The following UVRAG variants were observed in gnomAD, a reference collection of about 807,000 sequenced individuals.
The protein encoded by UVRAG is UV radiation resistance-associated gene protein.
UVRAG carries 19 observed loss-of-function variants against 78.0 expected under a neutral mutation model. The ratio of observed to expected loss-of-function variants is 0.24; its 90% CI spans 0.17 to 0.36. UVRAG has a LOEUF of 0.36. UVRAG is among the 10% of genes least tolerant of loss of function. UVRAG has a pLI of 1.00. For synonymous variants in UVRAG, 323 were observed against 324.6 expected (o/e 1.00, Z 0.05); for missense variants, 740 against 853.8 (o/e 0.87, Z 1.66).
At chr11:76,105,906 TATATA>T (rs1178542196) in intron 13 of UVRAG, among the ~76,000 whole-genome samples, 30 of 152,172 alleles carry the variant, frequency 2.0e-4, no homozygotes, top group African/African-American at 7.2e-4. Context: ...ATGAAAAACT[TATATA>T]ATCACTTTGG....
intron 14 of UVRAG, among the ~76,000 whole-genome samples, chr11:76,117,056 T>C (rs1028934287): frequency 1.3e-4 from 20 of 152,140 alleles, no homozygotes; most frequent in African/African-American, 4.6e-4. Context: ...AGGAATTAAG[T>C]TTTAAAGTAA....
At chr11:75,922,670 G>A (rs1053559992) in intron 6 of UVRAG, among the ~76,000 whole-genome samples, 14 of 152,092 alleles carry the variant, frequency 9.2e-5, no homozygotes, top group African/African-American at 2.2e-4. Flanking sequence ...ACTATTGGCC[G>A]GGCGTGGTGG....
intron 13 of UVRAG, among the ~76,000 whole-genome samples, chr11:76,068,917 A>G (rs913126217): frequency 1.3e-5 from 2 of 152,232 alleles, no homozygotes; most frequent in Admixed American, 1.3e-4. Flanking sequence ...TGAACAAATC[A>G]TACTATTAAA....
intron 8 of UVRAG, among the ~76,000 whole-genome samples, chr11:75,985,506 C>T (rs866268338): frequency 7.2e-5 from 11 of 151,942 alleles, no homozygotes; most frequent in Non-Finnish European, 8.8e-5. Context: ...GTGGCTTGCT[C>T]GTTCACTCTT....
At chr11:75,962,810 G>A (rs992029352) in intron 7 of UVRAG, among the ~76,000 whole-genome samples, 1 of 152,040 alleles carries the variant, frequency 6.6e-6, no homozygotes, top group Non-Finnish European at 1.5e-5. Flanking sequence ...CCTCTCCCAA[G>A]GAAAGACTGG....
At chr11:75,933,671 C>G (rs1450612998) in intron 6 of UVRAG, among the ~76,000 whole-genome samples, 1 of 152,032 alleles carries the variant, frequency 6.6e-6, no homozygotes, top group Non-Finnish European at 1.5e-5. Context: ...TCTAATAATC[C>G]GATTTAAAAA....
chr11:75,894,614 C>G (rs988303267), intron 5 of UVRAG, among the ~76,000 whole-genome samples: 4 of 151,938 alleles, frequency 2.6e-5, no homozygotes, highest in Non-Finnish European at 1.5e-5. Context: ...AATCCCAGCA[C>G]TTTGGTCTCA....
chr11:76,121,299 C>T (rs1054688735), intron 14 of UVRAG, among the ~76,000 whole-genome samples: 3 of 152,186 alleles, frequency 2.0e-5, no homozygotes, highest in African/African-American at 4.8e-5. Context: ...AAAAGGAGTG[C>T]CCATTTTTTC....
chr11:75,855,034 A>G (rs1946256949), intron 2 of UVRAG, among the ~76,000 whole-genome samples: 3 of 152,220 alleles, frequency 2.0e-5, no homozygotes, highest in South Asian at 4.1e-4. Context: ...GAATTTGGAA[A>G]ATGATAGCAA....
chr11:75,879,729 A>G (rs1372470097), intron 3 of UVRAG, 150 bp from the exon 4 acceptor site: 1 of 971,710 alleles, frequency 1.0e-6, no homozygotes, highest in Non-Finnish European at 1.5e-6. Context: ...TTTTGTGTTA[A>G]TTGTAATGTC....
intron 12 of UVRAG, among the ~76,000 whole-genome samples, chr11:76,051,005 A>G (rs1184276132): frequency 6.6e-6 from 1 of 152,214 alleles, no homozygotes; most frequent in Non-Finnish European, 1.5e-5. Context: ...AATTAAATAA[A>G]CAATTTTTAT....
intron 13 of UVRAG, among the ~76,000 whole-genome samples, chr11:76,104,757 G>A (rs918872124): frequency 5.9e-5 from 9 of 151,986 alleles, no homozygotes; most frequent in Non-Finnish European, 1.2e-4. Flanking sequence ...TGATCCTGTC[G>A]GGTATTTGTG....
chr11:75,878,894 A>G (rs1162906146), intron 3 of UVRAG, among the ~76,000 whole-genome samples: 182 of 90,324 alleles, frequency 2.0e-3, no homozygotes, highest in Non-Finnish European at 2.3e-3. Context: ...GGACAGGGAC[A>G]GGGACAGGGA....
intron 7 of UVRAG, among the ~76,000 whole-genome samples, chr11:75,979,194 A>G (rs1949330556): frequency 6.6e-6 from 1 of 152,174 alleles, no homozygotes; most frequent in Non-Finnish European, 1.5e-5. Flanking sequence ...AACTGCAAAT[A>G]TTGCAGAACG....
At chr11:75,831,134 T>C (rs898388500) in intron 1 of UVRAG, among the ~76,000 whole-genome samples, 1 of 152,248 alleles carries the variant, frequency 6.6e-6, no homozygotes, top group Admixed American at 6.5e-5. Flanking sequence ...GTCATTGCTA[T>C]TCCCATTTGT....
intron 14 of UVRAG, among the ~76,000 whole-genome samples, chr11:76,117,884 TTC>T (rs1409937732): frequency 2.6e-5 from 4 of 152,210 alleles, no homozygotes; most frequent in African/African-American, 9.6e-5. Context: ...GCCATGTTCC[TTC>T]ATAGGAACAG....
intron 14 of UVRAG, among the ~76,000 whole-genome samples, chr11:76,133,199 T>A (rs1952542467): frequency 1.3e-5 from 2 of 152,234 alleles, no homozygotes; most frequent in African/African-American, 4.8e-5. Flanking sequence ...CTAGGAATTT[T>A]ACTTGTATAT....
chr11:76,109,962 CAT>C (rs376664886), intron 13 of UVRAG, among the ~76,000 whole-genome samples: 8 of 152,284 alleles, frequency 5.3e-5, no homozygotes, highest in South Asian at 2.1e-4. Flanking sequence ...AAGATACTGA[CAT>C]GTGTGTGTTT....
Position 76,004,710 on chromosome 11 carries a change from C to T in UVRAG, c.911+621C>T, listed in dbSNP as rs138157495. 4.4e-3 allele frequency among the ~76,000 whole-genome samples: 666 copies of T among 152,148 alleles called. 5 individuals are homozygous for T. Among genetic ancestry groups the T allele is most frequent in the African/African-American group, 0.015 (642 of 41,482 alleles). On this transcript the variant is annotated intron_variant, in intron 9 of 14. Transcript: ENST00000356136. ...GTGCAGTCGTAGCTCACTATGGCCT[C>T]GAACTTCTGGCCTCAAGTGATGCTC...
Sources: gnomAD v4.1 joint callset for allele counts (sites outside exome capture counted in the v4.1 genomes callset) on GRCh38, gnomAD v4.1.1 for gene constraint, MANE v1.5 for transcripts, NCBI Gene and HGNC (gene_info 2026-07-23, HGNC 2026-07-21) for gene names.